The following ZNF608 variants were observed in gnomAD, a reference collection of about 807,000 sequenced individuals.
ZNF608 encodes renal carcinoma antigen NY-REN-36.
Under a neutral mutation model 109.0 loss-of-function variants are expected in ZNF608, and 12 were observed. The ratio of observed to expected loss-of-function variants is 0.11; its 90% CI spans 0.07 to 0.18. The LOEUF (loss-of-function observed/expected upper bound fraction) is 0.18. ZNF608 is among the 10% of genes least tolerant of loss of function. The probability of loss-of-function intolerance (pLI) is 1.00; values close to 1 mark genes in which losing one functional copy is unlikely to be tolerated. For synonymous variants in ZNF608, 732 were observed against 717.4 expected, an observed-to-expected ratio of 1.02 and a Z score of -0.33; for missense variants, 1,707 against 1,879.3, an observed-to-expected ratio of 0.91 and a Z score of 1.70.
In ZNF608 at chr5:124,714,587, C is replaced by T. The variant is rs189846562; in HGVS notation, c.907-13318G>A. 2.4e-3 allele frequency among the ~76,000 whole-genome samples: 367 copies of T among 152,302 alleles called. 1 individual carries two copies. The highest frequency in any genetic ancestry group is 3.7e-3 in the Non-Finnish European group (249 of 68,020). ...ACTTAACCTTTCTAAGCCTCAATTT[C>T]CTCACCTATAAAGTGGAGATTATAG... is the stretch of plus-strand genomic sequence containing the variant. On this transcript the variant is annotated intron_variant, in intron 2 of 9. Transcript: ENST00000513986.
chr5:124,655,577 T>C (rs1048778750), intron 3 of ZNF608, among the ~76,000 whole-genome samples: 1 of 152,248 alleles, frequency 6.6e-6, no homozygotes, highest in African/African-American at 2.4e-5. Flanking sequence ...TTTCCTTTTA[T>C]ATATTTTTTT....
At chr5:124,713,432 A>G (rs1442822364) in intron 2 of ZNF608, among the ~76,000 whole-genome samples, 3 of 152,266 alleles carry the variant, frequency 2.0e-5, no homozygotes, top group East Asian at 1.9e-4. Flanking sequence ...TTTGCAGTCA[A>G]TGTAATGACA....
intron 2 of ZNF608, among the ~76,000 whole-genome samples, chr5:124,730,933 T>G (rs987637980): frequency 6.6e-6 from 1 of 152,226 alleles, no homozygotes; most frequent in Non-Finnish European, 1.5e-5. Flanking sequence ...GACAATTTGG[T>G]AAAAAGCTTT....
chr5:124,646,020 G>C (rs7730012), intron 5 of ZNF608, among the ~76,000 whole-genome samples: 88,607 of 152,024 alleles, frequency 0.58, 26,475 homozygotes, highest in East Asian at 0.76. Context: ...AGAGTTAGAA[G>C]AGAATTCAGC....
At chr5:124,693,331 A>G (rs1187520032) in intron 3 of ZNF608, among the ~76,000 whole-genome samples, 1 of 152,246 alleles carries the variant, frequency 6.6e-6, no homozygotes, top group Non-Finnish European at 1.5e-5. Flanking sequence ...AAGACACTCA[A>G]GATTTTCTTA....
intron 3 of ZNF608, among the ~76,000 whole-genome samples, chr5:124,692,841 G>A (rs1752675911): frequency 6.6e-6 from 1 of 152,162 alleles, no homozygotes; most frequent in African/African-American, 2.4e-5. Flanking sequence ...GAGGATTAAA[G>A]GAAATCATGA....
intron 3 of ZNF608, among the ~76,000 whole-genome samples, chr5:124,685,463 T>C (rs1752369667): frequency 6.6e-6 from 1 of 152,184 alleles, no homozygotes; most frequent in South Asian, 2.1e-4. Flanking sequence ...CTATTCTTTT[T>C]ACTTTCCAAA....
chr5:124,744,357 C>A lies in ZNF608; in HGVS notation c.633G>T (p.Arg211Ser), dbSNP rs772490909. 1 of 1,614,258 alleles carries A rather than the reference C, an allele frequency of 6.2e-7. No homozygotes were observed. Among genetic ancestry groups the A allele is most frequent in the Admixed American group, 1.7e-5 (1 of 60,032 alleles). ...CCTGAAGCAGGTCGTGCTTGTCCTT[C>A]CTGGATTTCCCCGCATCCTTATCCC... ...AKRDKDAGKS[R>S]KDKHDLLQGH... Residue 211 changes from arginine (R) to serine (S), a missense_variant, in exon 2 of 10, where the codon AGG (arginine) becomes AGT (serine). Physicochemically the swap from Arg to Ser is moderately radical, Grantham distance 110. This residue lies in a region of ZNF608 where 407 missense variants were observed against 398.7 expected (regional missense o/e 1.02). Transcript: ENST00000513986. The surrounding 1 kb of genome is among the most constrained non-coding windows in gnomAD (Gnocchi z 4.5).
chr5:124,683,007 G>T (rs1752256363), intron 3 of ZNF608, among the ~76,000 whole-genome samples: 2 of 141,350 alleles, frequency 1.4e-5, no homozygotes, highest in African/African-American at 5.7e-5. Flanking sequence ...TCCATTTTGG[G>T]TGCTCTGTCT....
intron 3 of ZNF608, among the ~76,000 whole-genome samples, chr5:124,693,839 C>T (rs991536871): frequency 1.3e-5 from 2 of 151,992 alleles, no homozygotes; most frequent in African/African-American, 4.8e-5. Flanking sequence ...TGGCACAAAA[C>T]CCCGGACAAT....
At position 124,636,931 on chromosome 5, in the gene ZNF608, A is replaced by G. The variant is rs1165332873; in HGVS notation, c.*969T>C. 1 of 152,290 alleles carries G rather than the reference A, an allele frequency of 6.6e-6. No individual in the cohort carries two copies. The highest frequency in any genetic ancestry group is 2.4e-5 in the African/African-American group (1 of 41,396). The allele number at this position is 152,290 out of a possible 1,614,324, so 9.4% of individuals were successfully genotyped here. A position where few individuals can be genotyped will look rare whatever the true frequency, so the allele number is the denominator to read the frequency against. ...AAGAAGCCATTATTTAAAAAAAAAA[A>G]AACTTTTTAATTCTGATTGCCAAAT... On this transcript the variant is annotated 3_prime_UTR_variant, in exon 10 of 10. Coordinates refer to ENST00000513986, the MANE Select transcript of ZNF608 (RefSeq NM_020747.3).
At chr5:124,640,986 G>GCCA (rs1750209849) in intron 8 of ZNF608, among the ~76,000 whole-genome samples, 1 of 152,110 alleles carries the variant, frequency 6.6e-6, no homozygotes, top group East Asian at 1.9e-4. Context: ...CCAGACACTG[G>GCCA]CCACCGCCCT....
At position 124,647,309 on chromosome 5, in the gene ZNF608, C is replaced by T. The variant is rs746665494; in HGVS notation, c.3075G>A (p.Thr1025=). The T allele has an allele frequency of 1.4e-5, 23 of 1,614,054 alleles. No homozygotes were observed. Among genetic ancestry groups the T allele is most frequent in the Middle Eastern group, 1.6e-4 (1 of 6,084 alleles). ...GAPAAGNSGS[T]QGMKIKKESE... is the part of the protein sequence containing the mutation. ...ACTCCTTCTTGATCTTCATTCCCTG[C>T]GTGCTCCCACTATTTCCAGCTGCAG... is the stretch of plus-strand genomic sequence containing the variant. Residue 1025 remains threonine (T), a synonymous_variant, in exon 5 of 10, where the codon ACG becomes ACA. Transcript: ENST00000513986.
At chr5:124,674,237 T>G (rs189999910) in intron 3 of ZNF608, among the ~76,000 whole-genome samples, 177 of 151,784 alleles carry the variant, frequency 1.2e-3, no homozygotes, top group African/African-American at 4.1e-3. Context: ...CCTATCTGTG[T>G]CTGGTACTAT....
intron 3 of ZNF608, among the ~76,000 whole-genome samples, chr5:124,679,167 G>C (rs1044528853): frequency 1.3e-5 from 2 of 152,150 alleles, no homozygotes; most frequent in African/African-American, 4.8e-5. Context: ...ATATAAAAAC[G>C]TTTCCTTCAG....
Position 124,648,064 on chromosome 5 carries a change from T to C in ZNF608, c.2320A>G (p.Thr774Ala). ...CTCTTTGGTGTAGCCTGAACAACAG[T>C]TGTTGTGAGGGAGGGCAGTCCGGGT... ...TIPGLPSLTT[T>A]VVQATPKSPP... Residue 774 changes from threonine to alanine, a missense_variant, in exon 5 of 10, where the codon ACT (threonine) becomes GCT (alanine). This residue lies in a region of ZNF608 where 1,073 missense variants were observed against 1,133.5 expected (regional missense o/e 0.95). Transcript: ENST00000513986. 1 of 1,613,924 alleles carries C rather than the reference T, an allele frequency of 6.2e-7. No homozygotes were observed. Among genetic ancestry groups the C allele is most frequent in the East Asian group, 2.2e-5 (1 of 44,872 alleles).
chr5:124,663,879 T>G (rs1239009430), intron 3 of ZNF608, among the ~76,000 whole-genome samples: 1 of 152,234 alleles, frequency 6.6e-6, no homozygotes, highest in East Asian at 1.9e-4. Flanking sequence ...GATTACATTT[T>G]CTGGTGCCAT....
chr5:124,644,092 T>C (rs1750380446), intron 6 of ZNF608, 152 bp downstream of exon 6: 1 of 715,522 alleles, frequency 1.4e-6, no homozygotes, highest in Non-Finnish European at 2.2e-6. Flanking sequence ...AAAACTTATA[T>C]TAAATCAGTT....
intron 5 of ZNF608, among the ~76,000 whole-genome samples, chr5:124,644,907 A>G (rs974141703): frequency 5.3e-5 from 8 of 152,184 alleles, no homozygotes; most frequent in African/African-American, 1.7e-4. Context: ...TTTAAAGTTC[A>G]GGCAACATCA....
Sources: allele counts gnomAD v4.1 joint callset (sites outside exome capture counted in the v4.1 genomes callset), GRCh38; gene constraint gnomAD v4.1.1; regional missense constraint gnomAD v4.1.1; non-coding constraint Gnocchi (gnomAD v3.1); transcripts MANE v1.5; gene names NCBI Gene and HGNC (gene_info 2026-07-23, HGNC 2026-07-21).